Variants in PTPRD observed in about 807,000 individuals in gnomAD.
PTPRD encodes receptor-type tyrosine-protein phosphatase delta.
In PTPRD, 34 loss-of-function variants were observed where a neutral mutation model predicts 214.5. That is an observed-to-expected ratio of 0.16 (90% CI 0.12 to 0.21). The LOEUF is 0.21. Ranked by LOEUF, PTPRD falls within the 10% of genes least tolerant of loss-of-function variation. PTPRD has a pLI of 1.00. For synonymous variants in PTPRD, 1,128 were observed against 845.7 expected (o/e 1.33, Z -5.79); for missense variants, 2,545 against 2,398.7 (o/e 1.06, Z -1.27).
At chr9:10,278,328 T>A (rs367841513) in intron 3 of PTPRD, among the ~76,000 whole-genome samples, 11 of 152,184 alleles carry the variant, frequency 7.2e-5, no homozygotes, top group East Asian at 3.9e-4. Context: ...TGCCTGTCCT[T>A]AATAAGAAAA....
At chr9:9,912,618 G>A (rs1053869912) in intron 5 of PTPRD, among the ~76,000 whole-genome samples, 5 of 152,174 alleles carry the variant, frequency 3.3e-5, no homozygotes, top group Non-Finnish European at 7.4e-5. Flanking sequence ...CAGTGCTGAA[G>A]CCTGACACGT....
intron 9 of PTPRD, among the ~76,000 whole-genome samples, chr9:9,341,115 T>C (rs1477413286): frequency 8.3e-6 from 1 of 119,812 alleles, no homozygotes; most frequent in East Asian, 2.1e-4. Context: ...TTGTAGTAAA[T>C]ATTTATGTGT....
chr9:10,604,675 T>C (rs1349572139), intron 2 of PTPRD, among the ~76,000 whole-genome samples: 2 of 151,760 alleles, frequency 1.3e-5, no homozygotes, highest in African/African-American at 4.8e-5. Flanking sequence ...TGACACACAA[T>C]AAATACATCT....
chr9:8,493,697 A>C (rs2097195714), intron 26 of PTPRD, among the ~76,000 whole-genome samples: 1 of 152,222 alleles, frequency 6.6e-6, no homozygotes, highest in South Asian at 2.1e-4. Flanking sequence ...AAAGCAAAGA[A>C]TACAACAGGA....
chr9:9,918,641 G>C (rs1313423777), intron 5 of PTPRD, among the ~76,000 whole-genome samples: 1 of 152,050 alleles, frequency 6.6e-6, no homozygotes, highest in East Asian at 1.9e-4. Flanking sequence ...GACGCTACCA[G>C]ACTTCAAAAT....
At chr9:9,092,158 C>A (rs2099777157) in intron 10 of PTPRD, among the ~76,000 whole-genome samples, 1 of 152,124 alleles carries the variant, frequency 6.6e-6, no homozygotes, top group Non-Finnish European at 1.5e-5. Flanking sequence ...AACTCATTTT[C>A]ATGTTCTCTT....
At chr9:9,194,833 T>C (rs2099937332) in intron 9 of PTPRD, among the ~76,000 whole-genome samples, 1 of 152,072 alleles carries the variant, frequency 6.6e-6, no homozygotes, top group Non-Finnish European at 1.5e-5. Context: ...AAAATGCTTC[T>C]CTGAGCATCA....
intron 12 of PTPRD, among the ~76,000 whole-genome samples, chr9:8,724,907 C>T (rs1024879630): frequency 2.6e-5 from 4 of 152,106 alleles, no homozygotes; most frequent in African/African-American, 7.2e-5. Context: ...CACTGCACTC[C>T]AGCCTGGATA....
intron 3 of PTPRD, among the ~76,000 whole-genome samples, chr9:10,314,454 G>A (rs569559089): frequency 1.3e-5 from 2 of 152,016 alleles, no homozygotes; most frequent in South Asian, 2.1e-4. Flanking sequence ...ATAAGAATCA[G>A]GAACTCCTGA....
chr9:10,170,775 C>T (rs962447699), intron 3 of PTPRD, among the ~76,000 whole-genome samples: 2 of 152,190 alleles, frequency 1.3e-5, no homozygotes, highest in Non-Finnish European at 2.9e-5. Flanking sequence ...TTTTTGACAA[C>T]ACAGTATCTT....
intron 5 of PTPRD, among the ~76,000 whole-genome samples, chr9:9,870,570 T>G (rs1022275133): frequency 3.3e-5 from 5 of 152,030 alleles, no homozygotes; most frequent in African/African-American, 1.2e-4. Flanking sequence ...GTTGAGATAA[T>G]TATAGTAATT....
chr9:10,452,520 G>C (rs1288412334), intron 2 of PTPRD, among the ~76,000 whole-genome samples: 1 of 151,682 alleles, frequency 6.6e-6, no homozygotes, highest in African/African-American at 2.4e-5. Context: ...ACCCTAACAT[G>C]TGGGAAGGAA....
chr9:8,542,302 T>A (rs959832463), intron 14 of PTPRD, among the ~76,000 whole-genome samples: 1 of 152,044 alleles, frequency 6.6e-6, no homozygotes, highest in African/African-American at 2.4e-5. Flanking sequence ...AAAAATGCAT[T>A]GGGGAAAAGC....
chr9:8,541,433 G>A (rs1387613459), intron 14 of PTPRD, among the ~76,000 whole-genome samples: 1 of 152,114 alleles, frequency 6.6e-6, no homozygotes, highest in Admixed American at 6.6e-5. Flanking sequence ...GTCTCACTAA[G>A]TTGCCCAGGC....
rs182808088 is a variant in PTPRD at position 9,603,762 on chromosome 9, G to A, written c.-286-28981C>T. Among the ~76,000 whole-genome samples the A allele has an allele frequency of 2.0e-4, 31 of 152,200 alleles. No individual in the cohort carries two copies. The East Asian group carries it at 4.1e-3, about 20-fold the overall frequency. ...GCCTTCCATGAATCAAGTCCCTGGT[G>A]GCCAAAAGTTTGGGGATCACTGCTA... On this transcript the variant is annotated intron_variant, in intron 7 of 45. Coordinates refer to ENST00000381196, the MANE Select transcript of PTPRD (RefSeq NM_002839.4).
intron 35 of PTPRD, among the ~76,000 whole-genome samples, chr9:8,414,929 G>GC (rs1365848603): frequency 2.1e-5 from 1 of 47,914 alleles, no homozygotes; most frequent in Non-Finnish European, 3.9e-5. Flanking sequence ...GAGAGGGAGG[G>GC]GGAGAGAGAG....
chr9:8,978,091 T>G (rs1305128066), intron 11 of PTPRD, among the ~76,000 whole-genome samples: 1 of 152,018 alleles, frequency 6.6e-6, no homozygotes, highest in Non-Finnish European at 1.5e-5. Context: ...GAGATGAAAT[T>G]CCAAGGAAAC....
At chr9:10,460,556 C>G (rs2098951152) in intron 2 of PTPRD, among the ~76,000 whole-genome samples, 1 of 151,988 alleles carries the variant, frequency 6.6e-6, no homozygotes, top group South Asian at 2.1e-4. Flanking sequence ...TAAAGAGCCC[C>G]AAAATAAATC....
chr9:9,916,322 G>T (rs953255845), intron 5 of PTPRD, among the ~76,000 whole-genome samples: 12 of 151,550 alleles, frequency 7.9e-5, no homozygotes, highest in African/African-American at 2.9e-4. Flanking sequence ...AAAGAGAAAA[G>T]AATAAAACCA....
Sources: allele counts gnomAD v4.1 joint callset (sites outside exome capture counted in the v4.1 genomes callset), GRCh38; gene constraint gnomAD v4.1.1; transcripts MANE v1.5; gene names NCBI Gene and HGNC (gene_info 2026-07-23, HGNC 2026-07-21).